Variants in NLGN4X observed in about 807,000 individuals in gnomAD.
NLGN4X encodes neuroligin 4 X-linked.
NLGN4X carries 3 observed loss-of-function variants against 40.3 expected under a neutral mutation model. The ratio of observed to expected loss-of-function variants is 0.07; its 90% CI spans 0.03 to 0.19. The LOEUF is 0.19. NLGN4X is among the 10% of genes least tolerant of loss of function. The pLI is 1.00. For synonymous variants in NLGN4X, 270 were observed against 306.8 expected, an observed-to-expected ratio of 0.88 and a Z score of 1.25; for missense variants, 382 against 708.3, an observed-to-expected ratio of 0.54 and a Z score of 5.23.
intron 3 of NLGN4X, among the ~76,000 whole-genome samples, chrX:5,942,619 C>T (rs1279492750): frequency 9.2e-6 from 1 of 108,961 alleles, no homozygotes; most frequent in African/African-American, 3.4e-5. Context: ...CATGCCACTG[C>T]ACTCCTGCCT....
chrX:6,077,298 G>C (rs867710236), intron 2 of NLGN4X, among the ~76,000 whole-genome samples: 7 of 72,581 alleles, frequency 9.6e-5, no homozygotes, highest in African/African-American at 3.0e-4. Context: ...GTGTGTGTCT[G>C]TGTGTGTGTG....
chrX:6,087,656 G>A (rs2038530302), intron 2 of NLGN4X, among the ~76,000 whole-genome samples: 1 of 111,566 alleles, frequency 9.0e-6, no homozygotes, highest in East Asian at 2.8e-4. Context: ...TCTAAATTTT[G>A]TTGTATAATA....
At chrX:6,005,410 G>C (rs2036079666) in intron 3 of NLGN4X, among the ~76,000 whole-genome samples, 1 of 111,563 alleles carries the variant, frequency 9.0e-6, no homozygotes, top group Non-Finnish European at 1.9e-5. Flanking sequence ...CTGAGATGGG[G>C]ATGTGTCTCT....
intron 3 of NLGN4X, among the ~76,000 whole-genome samples, chrX:5,912,198 T>C (rs185776792): frequency 8.0e-5 from 9 of 112,013 alleles, no homozygotes; most frequent in African/African-American, 2.9e-4. Flanking sequence ...ATAGTACAGA[T>C]TGGCCTTTTA....
chrX:6,202,338 CTT>C (rs112598776), intron 1 of NLGN4X, among the ~76,000 whole-genome samples: 168 of 92,603 alleles, frequency 1.8e-3, no homozygotes, highest in African/African-American at 5.0e-3. Context: ...TTTTCATTTT[CTT>C]TTTTTTTTTT....
chrX:5,896,112 A>C (rs1010261711), intron 5 of NLGN4X, among the ~76,000 whole-genome samples: 6 of 111,884 alleles, frequency 5.4e-5, no homozygotes, highest in Middle Eastern at 4.6e-3. Context: ...ATGTGTGGCT[A>C]CCTCATCTAT....
chrX:6,133,353 G>A lies in NLGN4X; in HGVS notation c.472+17642C>T, dbSNP rs758279502. 4.4e-4 allele frequency among the ~76,000 whole-genome samples: 49 copies of A among 111,519 alleles called. 2 individuals carry two copies. The highest frequency in any genetic ancestry group is 2.3e-3 in the South Asian group (6 of 2,643). ...CATTGATTTGATTTTAAAGATCTAC[G>A]GCTAATAATTCCTTGTTGCACACAC... is the stretch of plus-strand genomic sequence containing the variant. On this transcript the variant is annotated intron_variant, in intron 2 of 5. Transcript: ENST00000381095.
chrX:6,218,367 T>C (rs1925276733), intron 1 of NLGN4X, among the ~76,000 whole-genome samples: 1 of 111,424 alleles, frequency 9.0e-6, no homozygotes, highest in Non-Finnish European at 1.9e-5. Flanking sequence ...ATATTTGGGC[T>C]ATGTAGCTCT....
chrX:6,185,492 G>C (rs143474273), intron 1 of NLGN4X, among the ~76,000 whole-genome samples: 1 of 111,525 alleles, frequency 9.0e-6, no homozygotes, highest in Non-Finnish European at 1.9e-5. Flanking sequence ...ACATGCCAGC[G>C]AAAGACAAAA....
intron 1 of NLGN4X, among the ~76,000 whole-genome samples, chrX:6,170,753 T>C (rs1291856962): frequency 1.8e-5 from 2 of 112,314 alleles, no homozygotes; most frequent in African/African-American, 6.5e-5. Flanking sequence ...TATGCTATTT[T>C]TTCTTGATAT....
intron 3 of NLGN4X, among the ~76,000 whole-genome samples, chrX:5,918,832 C>T (rs1306761302): frequency 8.9e-6 from 1 of 111,877 alleles, no homozygotes; most frequent in East Asian, 2.8e-4. Context: ...AATGGTGGCT[C>T]GATTTTGAGA....
At chrX:6,148,403 C>T (rs2040096961) in intron 2 of NLGN4X, among the ~76,000 whole-genome samples, 1 of 112,091 alleles carries the variant, frequency 8.9e-6, no homozygotes, top group Non-Finnish European at 1.9e-5. Flanking sequence ...TAAGAGAAGG[C>T]CTTTGGAGAG....
chrX:6,172,644 C>T (rs1323588876), intron 1 of NLGN4X, among the ~76,000 whole-genome samples: 1 of 111,654 alleles, frequency 9.0e-6, no homozygotes, highest in East Asian at 2.8e-4. Flanking sequence ...GTGCTACCTC[C>T]AGATGATTCT....
In NLGN4X at chrX:6,042,555, T is replaced by C. The variant is rs749246190; in HGVS notation, c.473-13123A>G. The stretch of plus-strand genomic sequence containing the variant: ...GTGTTTAAAAATAGGTACTAAATAA[T>C]GTATTTTGCTAGGTATTTTTAAATG... On this transcript the variant is annotated intron_variant, in intron 2 of 5. Coordinates refer to ENST00000381095, the MANE Select transcript of NLGN4X (RefSeq NM_181332.3). 2.1e-4 allele frequency among the ~76,000 whole-genome samples: 22 copies of C among 104,679 alleles called. No homozygotes were observed. The East Asian group carries it at 5.5e-3, about 26-fold the overall frequency. The allele number at this position is 104,679 out of a possible 115,157, so 90.9% of individuals were successfully genotyped here. A position where few individuals can be genotyped will look rare whatever the true frequency, so the allele number is the denominator to read the frequency against.
intron 2 of NLGN4X, among the ~76,000 whole-genome samples, chrX:6,138,041 T>C (rs1301502908): frequency 8.9e-6 from 1 of 111,966 alleles, no homozygotes; most frequent in Non-Finnish European, 1.9e-5. Context: ...CAGCATCCGG[T>C]GGGAAAAACT....
chrX:6,106,641 T>C (rs1206269215), intron 2 of NLGN4X, among the ~76,000 whole-genome samples: 1 of 112,222 alleles, frequency 8.9e-6, no homozygotes, highest in East Asian at 2.8e-4. Context: ...GTATGTAGCC[T>C]TTTCCCATCA....
At chrX:6,126,772 G>A (rs7055883) in intron 2 of NLGN4X, among the ~76,000 whole-genome samples, 3,367 of 111,770 alleles carry the variant, frequency 0.03, 145 homozygotes, top group African/African-American at 0.1. Flanking sequence ...GAATGTTGCA[G>A]ATTTTGATAC....
intron 1 of NLGN4X, among the ~76,000 whole-genome samples, chrX:6,212,879 C>A (rs1456519938): frequency 9.0e-6 from 1 of 111,685 alleles, no homozygotes; most frequent in Non-Finnish European, 1.9e-5. Context: ...CAATGTAGCC[C>A]AAAGCATATC....
At chrX:6,077,320 T>A (rs2038231959) in intron 2 of NLGN4X, among the ~76,000 whole-genome samples, 1 of 109,415 alleles carries the variant, frequency 9.1e-6, no homozygotes, top group African/African-American at 3.3e-5. Flanking sequence ...GGTGTGTGTG[T>A]GTGTGTGACA....
Sources: allele counts gnomAD v4.1 joint callset (sites outside exome capture counted in the v4.1 genomes callset), GRCh38; gene constraint gnomAD v4.1.1; transcripts MANE v1.5; gene names NCBI Gene and HGNC (gene_info 2026-07-23, HGNC 2026-07-21).